The following TRAPPC6A variants were observed in gnomAD, a reference collection of about 807,000 sequenced individuals.
TRAPPC6A encodes trafficking protein particle complex subunit 6A.
In TRAPPC6A, 25 loss-of-function variants were observed where a neutral mutation model predicts 20.8. The ratio of observed to expected loss-of-function variants is 1.20; its 90% CI spans 0.88 to 1.68. The LOEUF (loss-of-function observed/expected upper bound fraction) is 1.68, where lower values mean the gene tolerates loss of function less well. Among genes scored for constraint, TRAPPC6A ranks in the 40% most tolerant of loss-of-function variants. The probability of loss-of-function intolerance (pLI) is 0.00; values close to 1 mark genes in which losing one functional copy is unlikely to be tolerated. For synonymous variants in TRAPPC6A, 96 were observed against 93.3 expected, an observed-to-expected ratio of 1.03 and a Z score of -0.16; for missense variants, 215 against 211.6, an observed-to-expected ratio of 1.02 and a Z score of -0.10.
chr19:45,169,118 G>A (rs1049798562), intron 1 of TRAPPC6A, among the ~76,000 whole-genome samples: 4 of 152,188 alleles, frequency 2.6e-5, no homozygotes, highest in Non-Finnish European at 5.9e-5. Context: ...AGACGGGCAG[G>A]TGTGTGTGAG....
intron 1 of TRAPPC6A, 107 bp downstream of exon 1, chr19:45,178,028 G>GC: frequency 6.4e-7 from 1 of 1,567,540 alleles, no homozygotes; most frequent in Non-Finnish European, 8.6e-7. Flanking sequence ...GCCCTGCAAG[G>GC]CCGGGGCTGG....
intron 1 of TRAPPC6A, among the ~76,000 whole-genome samples, chr19:45,169,059 A>C (rs1969218033): frequency 6.6e-6 from 1 of 152,164 alleles, no homozygotes; most frequent in South Asian, 2.1e-4. Context: ...CAGGCACAGC[A>C]GGGCCGGCCA....
At chr19:45,166,487 G>A (rs1460784578) in intron 1 of TRAPPC6A, among the ~76,000 whole-genome samples, 1 of 151,560 alleles carries the variant, frequency 6.6e-6, no homozygotes, top group Non-Finnish European at 1.5e-5. Context: ...GGGATTACAG[G>A]CAAAAGCCAC....
At chr19:45,167,107 G>A (rs1969172817) in intron 1 of TRAPPC6A, among the ~76,000 whole-genome samples, 2 of 152,196 alleles carry the variant, frequency 1.3e-5, no homozygotes, top group African/African-American at 4.8e-5. Flanking sequence ...ACAGCTCTGT[G>A]AAGGTGGGGA....
Position 45,162,975 on chromosome 19 carries a change from C to T in TRAPPC6A, c.*217G>A, listed in dbSNP as rs773487230. ...TTATTGAGCAGCTACTGGGCAGTGA[C>T]GCTGCCGAGGCGGGAATCCCACCAC... On this transcript the variant is annotated 3_prime_UTR_variant, in exon 6 of 6. Transcript: ENST00000585934. The T allele has an allele frequency of 3.4e-5, 15 of 441,618 alleles. No homozygotes were observed. The highest frequency in any genetic ancestry group is 5.9e-4 in the Middle Eastern group (1 of 1,692). The allele number at this position is 441,618 out of a possible 1,614,324, so 27.4% of individuals were successfully genotyped here. A position where few individuals can be genotyped will look rare whatever the true frequency, so the allele number is the denominator to read the frequency against.
intron 1 of TRAPPC6A, among the ~76,000 whole-genome samples, chr19:45,166,515 CT>C (rs1445580488): frequency 0.037 from 5,059 of 137,008 alleles, 214 homozygotes; most frequent in African/African-American, 0.11. Context: ...GGCCATGGAT[CT>C]TTTTTTTTTT....
Position 45,165,124 on chromosome 19 carries a change from C to G in TRAPPC6A, c.152+3G>C, listed in dbSNP as rs1568462781. The stretch of plus-strand genomic sequence containing the variant: ...GGGGGAGAGCAGGAGGGGCCGCGCT[C>G]ACCTCTCGCCTAGAGCCTGGCCCAC... On this transcript the variant is annotated splice_donor_region_variant and intron_variant, in intron 2 of 5. Coordinates refer to ENST00000585934, the MANE Select transcript of TRAPPC6A (RefSeq NM_001270891.2). 1 of 1,612,144 alleles carries G rather than the reference C, an allele frequency of 6.2e-7. No individual in the cohort carries two copies.
intron 1 of TRAPPC6A, among the ~76,000 whole-genome samples, chr19:45,174,964 C>CAAAAAAAA (rs137961011): frequency 2.4e-5 from 3 of 127,460 alleles, no homozygotes; most frequent in East Asian, 4.7e-4. Flanking sequence ...ACTAAAAATA[C>CAAAAAAAA]AAAAAAAAAA....
At position 45,163,509 on chromosome 19, in the gene TRAPPC6A, C is replaced by T. The variant is rs962002716; in HGVS notation, c.449-286G>A. Among the ~76,000 whole-genome samples the T allele has an allele frequency of 3.9e-5, 6 of 152,070 alleles. No individual in the cohort carries two copies. The highest frequency in any genetic ancestry group is 1.4e-4 in the African/African-American group (6 of 41,504). ...GGCCCCCATGAGTGGGCCTGGGGAA[C>T]CGGCAGAGGCAAAATAACTGAAGGT... On this transcript the variant is annotated intron_variant, in intron 5 of 5. Coordinates refer to ENST00000585934, the MANE Select transcript of TRAPPC6A (RefSeq NM_001270891.2). This position sits in a 1 kb window ranked among gnomAD's most constrained non-coding sequence, Gnocchi z 5.3.
At chr19:45,164,375 A>G in intron 3 of TRAPPC6A, 128 bp from the exon 4 acceptor site, 1 of 660,556 alleles carries the variant, frequency 1.5e-6, no homozygotes, top group Non-Finnish European at 2.6e-6. Context: ...GAACCACTGG[A>G]GTCACAGCCT....
Position 45,173,120 on chromosome 19 carries a change from T to G in TRAPPC6A, c.84+5015A>C, listed in dbSNP as rs996422040. On this transcript the variant is annotated intron_variant, in intron 1 of 5. Transcript: ENST00000585934. The surrounding 1 kb of genome is among the most constrained non-coding windows in gnomAD (Gnocchi z 4.8). ...GTCTCAGACAATGGGTGACAGCGCC[T>G]TAGCTCTTTACTACATGCACTCAGG... Among the ~76,000 whole-genome samples, 4 of 151,610 alleles carry G rather than the reference T, an allele frequency of 2.6e-5. No individual in the cohort carries two copies. The highest frequency in any genetic ancestry group is 2.6e-4 in the Admixed American group (4 of 15,248).
rs114181998 is a variant in TRAPPC6A at position 45,172,983 on chromosome 19, G to T, written c.84+5152C>A. Among the ~76,000 whole-genome samples the T allele has an allele frequency of 0.031, 4,691 of 151,490 alleles. 427 individuals carry two copies. Among genetic ancestry groups the T allele is most frequent in the African/African-American group, 0.11 (4,437 of 40,856 alleles). ...CCGGGCAGGGACCTATCTGACAGCC[G>T]CTCCGCCCGCCCCACACCCTCCTCA... On this transcript the variant is annotated intron_variant, in intron 1 of 5. Coordinates refer to ENST00000585934, the MANE Select transcript of TRAPPC6A (RefSeq NM_001270891.2). The surrounding 1 kb of genome is among the most constrained non-coding windows in gnomAD (Gnocchi z 4.2).
Position 45,163,094 on chromosome 19 carries a change from G to T in TRAPPC6A, c.*98C>A. ...TGAGCAAATGTGACCCCTAGGGCCT[G>T]GGATTCCCAAGACCACCCCGAAATG... is the stretch of plus-strand genomic sequence containing the variant. On this transcript the variant is annotated 3_prime_UTR_variant, in exon 6 of 6. Coordinates refer to ENST00000585934, the MANE Select transcript of TRAPPC6A (RefSeq NM_001270891.2). This position sits in a 1 kb window ranked among gnomAD's most constrained non-coding sequence, Gnocchi z 5.3. The T allele has an allele frequency of 6.9e-7, 1 of 1,455,576 alleles. No homozygotes were observed. Among genetic ancestry groups the T allele is most frequent in the Non-Finnish European group, 9.5e-7 (1 of 1,049,346 alleles). 90.2% of individuals were successfully genotyped at this position (1,455,576 alleles called of 1,614,324 possible).
At chr19:45,177,389 G>A (rs1319805502) in intron 1 of TRAPPC6A, among the ~76,000 whole-genome samples, 2 of 151,942 alleles carry the variant, frequency 1.3e-5, no homozygotes, top group African/African-American at 2.4e-5. Flanking sequence ...CGCCTAGGCT[G>A]GAGTGCAATG....
In TRAPPC6A at chr19:45,163,579, C is replaced by A. The variant is rs950173697; in HGVS notation, c.448+337G>T. Among the ~76,000 whole-genome samples the A allele has an allele frequency of 6.6e-6, 1 of 152,078 alleles. No homozygotes were observed. The highest frequency in any genetic ancestry group is 1.5e-5 in the Non-Finnish European group (1 of 67,994). ...GCTGTCCCCAGGCAGGAATGGGGCT[C>A]CAGCTTGTCTGACAGAGGACACCCA... On this transcript the variant is annotated intron_variant, in intron 5 of 5. Coordinates refer to ENST00000585934, the MANE Select transcript of TRAPPC6A (RefSeq NM_001270891.2). The surrounding 1 kb of genome is among the most constrained non-coding windows in gnomAD (Gnocchi z 5.3).
chr19:45,170,135 G>C (rs138853618), intron 1 of TRAPPC6A, among the ~76,000 whole-genome samples: 1 of 152,300 alleles, frequency 6.6e-6, no homozygotes, highest in African/African-American at 2.4e-5. Flanking sequence ...AGGCGGGGAA[G>C]GGAAGGGGCC....
chr19:45,173,288 C>T lies in TRAPPC6A; in HGVS notation c.84+4847G>A, dbSNP rs1442184941. ...TCTGGCCGGTCCTCCAGTTCACAAC[C>T]TGTGACAGCCCAGGAGAATGGCCAC... On this transcript the variant is annotated intron_variant, in intron 1 of 5. Coordinates refer to ENST00000585934, the MANE Select transcript of TRAPPC6A (RefSeq NM_001270891.2). This position sits in a 1 kb window ranked among gnomAD's most constrained non-coding sequence, Gnocchi z 4.8. 6.6e-6 allele frequency among the ~76,000 whole-genome samples: 1 copy of T among 151,776 alleles called. No homozygotes were observed. Among genetic ancestry groups the T allele is most frequent in the African/African-American group, 2.4e-5 (1 of 41,208 alleles).
Position 45,164,158 on chromosome 19 carries a change from C to T in TRAPPC6A, c.354+6G>A, listed in dbSNP as rs370018160. ...GGTGTGGACAAGGCCCCAGCTCCCC[C>T]CATACCTTGGGTGCTTCCTCCAGAT... On this transcript the variant is annotated splice_donor_region_variant and intron_variant, in intron 4 of 5. Coordinates refer to ENST00000585934, the MANE Select transcript of TRAPPC6A (RefSeq NM_001270891.2). The T allele has an allele frequency of 3.1e-6, 5 of 1,601,068 alleles. No homozygotes were observed. The highest frequency in any genetic ancestry group is 3.4e-6 in the Non-Finnish European group (4 of 1,174,408).
intron 1 of TRAPPC6A, among the ~76,000 whole-genome samples, chr19:45,175,063 C>T (rs1179135549): frequency 6.6e-6 from 1 of 151,678 alleles, no homozygotes. Flanking sequence ...AGATCGAGAC[C>T]ATCATGGCTA....
Sources: gnomAD v4.1 joint callset for allele counts (sites outside exome capture counted in the v4.1 genomes callset) on GRCh38, gnomAD v4.1.1 for gene constraint, Gnocchi (gnomAD v3.1) non-coding constraint, MANE v1.5 for transcripts, NCBI Gene and HGNC (gene_info 2026-07-23, HGNC 2026-07-21) for gene names.